The following B3GALT1 variants were observed in gnomAD, a reference collection of about 807,000 sequenced individuals.
B3GALT1 encodes the protein UDP-Gal:betaGlcNAc beta 1,3-galactosyltransferase, polypeptide 1.
In B3GALT1, 10 loss-of-function variants were observed where a neutral mutation model predicts 23.2. That is an observed-to-expected ratio of 0.43 (90% CI 0.27 to 0.73). The LOEUF is 0.73. Among genes scored for constraint, B3GALT1 ranks in the 30% least tolerant of loss-of-function variants. The pLI, the probability that B3GALT1 is intolerant of heterozygous loss-of-function variation, is 0.21. For missense variants in B3GALT1, 299 were observed against 405.4 expected, an observed-to-expected ratio of 0.74 and a Z score of 2.25; for synonymous variants, 156 against 141.5, an observed-to-expected ratio of 1.10 and a Z score of -0.73.
At chr2:167,492,699 C>T (rs1016087477) in intron 2 of B3GALT1, among the ~76,000 whole-genome samples, 3 of 152,136 alleles carry the variant, frequency 2.0e-5, no homozygotes, top group Admixed American at 6.5e-5. Flanking sequence ...TTTTCATGGT[C>T]TCATGTTCTA....
chr2:167,769,118 T>G (rs551875078), intron 3 of B3GALT1, among the ~76,000 whole-genome samples: 57 of 152,258 alleles, frequency 3.7e-4, no homozygotes, highest in Non-Finnish European at 1.6e-4. Flanking sequence ...ATTAGTTGCA[T>G]TCTCCCCTGG....
At chr2:167,303,803 G>T (rs1455216909) in intron 1 of B3GALT1, among the ~76,000 whole-genome samples, 2 of 152,036 alleles carry the variant, frequency 1.3e-5, no homozygotes, top group East Asian at 3.9e-4. Context: ...TTCAGGGGAA[G>T]TCATTTTTGT....
intron 1 of B3GALT1, among the ~76,000 whole-genome samples, chr2:167,410,076 A>C (rs2105294741): frequency 6.6e-6 from 1 of 152,300 alleles, no homozygotes; most frequent in South Asian, 2.1e-4. Flanking sequence ...GCACATATAC[A>C]CATGGAATAC....
chr2:167,394,467 T>C (rs796280339), intron 1 of B3GALT1, among the ~76,000 whole-genome samples: 12 of 152,328 alleles, frequency 7.9e-5, no homozygotes, highest in African/African-American at 2.6e-4. Flanking sequence ...AGGATATATT[T>C]ATATATTGTT....
At position 167,646,554 on chromosome 2, in the gene B3GALT1, C is replaced by A. The variant is rs1299369520; in HGVS notation, c.-409-355C>A. On this transcript the variant is annotated intron_variant, in intron 2 of 4. Coordinates refer to ENST00000392690, the MANE Select transcript of B3GALT1 (RefSeq NM_020981.4). ...TGCTCTGTTTGACCCCACCTGCCAT[C>A]ACAGGATCTTCTAATGATACTTGTA... is the stretch of plus-strand genomic sequence containing the variant. Among the ~76,000 whole-genome samples the A allele has an allele frequency of 2.0e-5, 3 of 152,170 alleles. No homozygotes were observed. The East Asian group carries it at 5.8e-4, about 29-fold the overall frequency.
intron 3 of B3GALT1, among the ~76,000 whole-genome samples, chr2:167,801,254 GA>G (rs1186234715): frequency 1.3e-5 from 2 of 152,072 alleles, no homozygotes. Flanking sequence ...CCCATCCCTG[GA>G]AAATTCACCC....
At chr2:167,662,358 CAGCAAAATTG>C (rs1686075188) in intron 3 of B3GALT1, among the ~76,000 whole-genome samples, 2 of 152,064 alleles carry the variant, frequency 1.3e-5, no homozygotes, top group South Asian at 4.2e-4. Flanking sequence ...TTTAGTTTCA[CAGCAAAATTG>C]AGAGGATGGT....
At chr2:167,618,105 C>G (rs1016995825) in intron 2 of B3GALT1, among the ~76,000 whole-genome samples, 1 of 152,006 alleles carries the variant, frequency 6.6e-6, no homozygotes, top group African/African-American at 2.4e-5. Context: ...TGCTTTAGAA[C>G]TTAATTTTCC....
At chr2:167,593,212 A>G (rs1684714863) in intron 2 of B3GALT1, among the ~76,000 whole-genome samples, 1 of 152,240 alleles carries the variant, frequency 6.6e-6, no homozygotes, top group Non-Finnish European at 1.5e-5. Context: ...ACTGAAATAC[A>G]TATAAATAAG....
intron 1 of B3GALT1, among the ~76,000 whole-genome samples, chr2:167,360,246 T>A (rs1697479371): frequency 6.6e-6 from 1 of 152,190 alleles, no homozygotes; most frequent in South Asian, 2.1e-4. Flanking sequence ...TTAGGAACTG[T>A]TATATTCTGC....
chr2:167,868,517 T>A (rs1038441745), intron 4 of B3GALT1, among the ~76,000 whole-genome samples: 1 of 150,962 alleles, frequency 6.6e-6, no homozygotes, highest in Non-Finnish European at 1.5e-5. Context: ...ATACGTCATG[T>A]GAAGAGGGGG....
At chr2:167,390,532 A>C (rs1559082811) in intron 1 of B3GALT1, among the ~76,000 whole-genome samples, 1 of 152,130 alleles carries the variant, frequency 6.6e-6, no homozygotes, top group Non-Finnish European at 1.5e-5. Flanking sequence ...TTTCAAACTA[A>C]ATACACCACT....
intron 4 of B3GALT1, among the ~76,000 whole-genome samples, chr2:167,838,197 A>G (rs1390890738): frequency 7.2e-5 from 11 of 152,012 alleles, no homozygotes; most frequent in Admixed American, 5.2e-4. Context: ...TGAAGGAAAT[A>G]GAGACACAAA....
chr2:167,305,978 T>C (rs1362348813), intron 1 of B3GALT1, among the ~76,000 whole-genome samples: 1 of 152,112 alleles, frequency 6.6e-6, no homozygotes, highest in African/African-American at 2.4e-5. Context: ...AGATACTCTT[T>C]GGTGCAATTG....
rs111606245 is a variant in B3GALT1, at chr2:167,620,355, A to G, written c.-409-26554A>G. 1.6e-3 allele frequency among the ~76,000 whole-genome samples: 239 copies of G among 152,226 alleles called. 1 individual carries two copies. The highest frequency in any genetic ancestry group is 5.0e-3 in the African/African-American group (209 of 41,576). On this transcript the variant is annotated intron_variant, in intron 2 of 4. Transcript: ENST00000392690. ...CCATAGTATACAAGAGAAAGTAACT[A>G]GAGAACAGGCAGAGGGAGGGGCTGG...
At chr2:167,768,027 G>T (rs1050856689) in intron 3 of B3GALT1, among the ~76,000 whole-genome samples, 1 of 152,020 alleles carries the variant, frequency 6.6e-6, no homozygotes, top group African/African-American at 2.4e-5. Context: ...GGCAGACAGA[G>T]AAATCAACCT....
intron 3 of B3GALT1, among the ~76,000 whole-genome samples, chr2:167,706,869 A>G (rs536636859): frequency 1.3e-5 from 2 of 152,350 alleles, no homozygotes; most frequent in South Asian, 2.1e-4. Context: ...TCTCTGTCCA[A>G]TCCTCTTGAA....
chr2:167,660,023 G>A (rs1686028775), intron 3 of B3GALT1, among the ~76,000 whole-genome samples: 1 of 151,990 alleles, frequency 6.6e-6, no homozygotes. Flanking sequence ...TCCTAGAAAG[G>A]ACCCCATAAA....
At chr2:167,387,696 G>A (rs1417885128) in intron 1 of B3GALT1, among the ~76,000 whole-genome samples, 1 of 151,986 alleles carries the variant, frequency 6.6e-6, no homozygotes, top group Non-Finnish European at 1.5e-5. Flanking sequence ...ATCATAGAAT[G>A]TGCTTATTTA....
Sources: allele counts gnomAD v4.1 joint callset (sites outside exome capture counted in the v4.1 genomes callset), GRCh38; gene constraint gnomAD v4.1.1; transcripts MANE v1.5; gene names NCBI Gene and HGNC (gene_info 2026-07-23, HGNC 2026-07-21).